Variants in KLHL1 observed in about 807,000 individuals in gnomAD.
The protein encoded by KLHL1 is kelch like family member 1, also known as kelch-like protein 1.
A neutral mutation model predicts 77.7 loss-of-function variants in KLHL1; 47 were observed. The ratio of observed to expected loss-of-function variants is 0.60; its 90% CI spans 0.48 to 0.77. The LOEUF (loss-of-function observed/expected upper bound fraction) is 0.77. KLHL1 is among the 30% of genes least tolerant of loss of function. The probability of loss-of-function intolerance (pLI) is 0.00; values close to 1 mark genes in which losing one functional copy is unlikely to be tolerated. For synonymous variants in KLHL1, 360 were observed against 325.2 expected (o/e 1.11, Z -1.15); for missense variants, 925 against 910.8 (o/e 1.02, Z -0.20).
chr13:69,778,179 C>T (rs1875931836), intron 7 of KLHL1, among the ~76,000 whole-genome samples: 1 of 152,024 alleles, frequency 6.6e-6, no homozygotes, highest in African/African-American at 2.4e-5. Flanking sequence ...TATTATCAGA[C>T]TGAAAATTTA....
At chr13:69,759,201 G>T (rs752748481) in intron 7 of KLHL1, among the ~76,000 whole-genome samples, 10 of 152,050 alleles carry the variant, frequency 6.6e-5, no homozygotes, top group Non-Finnish European at 1.3e-4. Flanking sequence ...CCTCACCATG[G>T]CCACCTGTCC....
intron 5 of KLHL1, among the ~76,000 whole-genome samples, chr13:69,873,493 C>T (rs1880657663): frequency 6.6e-6 from 1 of 152,076 alleles, no homozygotes; most frequent in South Asian, 2.1e-4. Flanking sequence ...TTCCCTTTGT[C>T]CATTCAATAA....
chr13:69,861,792 A>AC (rs1470442916), intron 5 of KLHL1, among the ~76,000 whole-genome samples: 1,701 of 147,278 alleles, frequency 0.012, 47 homozygotes, highest in African/African-American at 0.041. Context: ...TACTAAAAAA[A>AC]AAAAAAAAAA....
At chr13:69,746,477 AC>A (rs1874217778) in intron 7 of KLHL1, among the ~76,000 whole-genome samples, 1 of 152,038 alleles carries the variant, frequency 6.6e-6, no homozygotes, top group Admixed American at 6.6e-5. Flanking sequence ...TTAATCAGCT[AC>A]ACTAAGGTTC....
At position 69,766,487 on chromosome 13, in the gene KLHL1, T is replaced by C. The variant is rs551779589; in HGVS notation, c.1640-25931A>G. Among the ~76,000 whole-genome samples the C allele has an allele frequency of 1.1e-4, 17 of 150,346 alleles. No homozygotes were observed. In the East Asian group the frequency reaches 3.1e-3, roughly 27 times the overall value. The stretch of plus-strand genomic sequence containing the variant: ...CCTAATTTTTATATATATATACATA[T>C]ATATATATATTTAGAGTGCTTGACT... On this transcript the variant is annotated intron_variant, in intron 7 of 10. Transcript: ENST00000377844.
intron 4 of KLHL1, among the ~76,000 whole-genome samples, chr13:69,903,388 A>G (rs192996380): frequency 6.6e-6 from 1 of 152,218 alleles, no homozygotes; most frequent in African/African-American, 2.4e-5. Context: ...GCCCCAGCCA[A>G]TCAGAACTCA....
intron 1 of KLHL1, among the ~76,000 whole-genome samples, chr13:70,038,883 G>A (rs1297959168): frequency 2.6e-5 from 4 of 151,740 alleles, no homozygotes; most frequent in Admixed American, 1.3e-4. Flanking sequence ...GAGCCACTGC[G>A]CCCGGCCCTA....
intron 2 of KLHL1, among the ~76,000 whole-genome samples, chr13:69,971,065 G>C (rs2137285053): frequency 6.6e-6 from 1 of 152,106 alleles, no homozygotes; most frequent in Admixed American, 6.6e-5. Context: ...GTCTATTGTG[G>C]TTGTTAAAGT....
At chr13:69,897,882 T>C (rs1369183544) in intron 4 of KLHL1, among the ~76,000 whole-genome samples, 1 of 152,218 alleles carries the variant, frequency 6.6e-6, no homozygotes, top group African/African-American at 2.4e-5. Flanking sequence ...TATTGATTTA[T>C]CTGTACCATT....
chr13:69,954,027 A>G (rs1461435051), intron 3 of KLHL1, among the ~76,000 whole-genome samples: 1 of 151,294 alleles, frequency 6.6e-6, no homozygotes, highest in Non-Finnish European at 1.5e-5. Context: ...AGGAATATTA[A>G]GACTTCATAA....
intron 5 of KLHL1, among the ~76,000 whole-genome samples, chr13:69,862,015 T>TAAAATAAAAC (rs1880188288): frequency 6.9e-6 from 1 of 145,976 alleles, no homozygotes; most frequent in Non-Finnish European, 1.5e-5. Flanking sequence ...TAAAATAAAA[T>TAAAATAAAAC]AAAATAAAAG....
chr13:69,953,958 G>C (rs1883791138), intron 3 of KLHL1, among the ~76,000 whole-genome samples: 1 of 151,126 alleles, frequency 6.6e-6, no homozygotes, highest in East Asian at 1.9e-4. Flanking sequence ...AATTTTATAA[G>C]TTTGCTCCTT....
chr13:69,721,544 A>C (rs942198624), intron 8 of KLHL1, among the ~76,000 whole-genome samples: 2 of 152,048 alleles, frequency 1.3e-5, no homozygotes, highest in African/African-American at 4.8e-5. Context: ...TATATTTATA[A>C]GTAGACTTAA....
intron 1 of KLHL1, among the ~76,000 whole-genome samples, chr13:70,015,422 C>A (rs1365742871): frequency 6.6e-6 from 1 of 151,972 alleles, no homozygotes; most frequent in Non-Finnish European, 1.5e-5. Context: ...TGTCATTGAC[C>A]AAAACATTGT....
chr13:69,929,445 A>G (rs1882926108), intron 4 of KLHL1, among the ~76,000 whole-genome samples: 1 of 151,946 alleles, frequency 6.6e-6, no homozygotes, highest in South Asian at 2.1e-4. Flanking sequence ...ATTCAGGGTA[A>G]AATTAAAAGG....
intron 1 of KLHL1, among the ~76,000 whole-genome samples, chr13:70,029,594 A>G (rs1401042677): frequency 6.6e-6 from 1 of 152,146 alleles, no homozygotes; most frequent in African/African-American, 2.4e-5. Context: ...AAAAGAGCTC[A>G]TGAAGGAAGC....
intron 7 of KLHL1, among the ~76,000 whole-genome samples, chr13:69,742,741 AT>A (rs1874037031): frequency 6.6e-6 from 1 of 152,196 alleles, no homozygotes; most frequent in African/African-American, 2.4e-5. Flanking sequence ...TAGGGATGTT[AT>A]TTTACACAAC....
At chr13:69,850,617 G>C (rs1168254076) in intron 5 of KLHL1, among the ~76,000 whole-genome samples, 1 of 151,512 alleles carries the variant, frequency 6.6e-6, no homozygotes, top group Non-Finnish European at 1.5e-5. Flanking sequence ...CCAAATTTTT[G>C]AGAAAGATCC....
At chr13:69,789,247 A>G (rs1190099624) in intron 7 of KLHL1, among the ~76,000 whole-genome samples, 1 of 151,204 alleles carries the variant, frequency 6.6e-6, no homozygotes. Context: ...TTTTTTTAAA[A>G]TTACTTTTTT....
Sources: allele counts gnomAD v4.1 joint callset (sites outside exome capture counted in the v4.1 genomes callset), GRCh38; gene constraint gnomAD v4.1.1; transcripts MANE v1.5; gene names NCBI Gene and HGNC (gene_info 2026-07-23, HGNC 2026-07-21).